CFAP299: variants seen among roughly 807,000 people sequenced by gnomAD.
CFAP299 encodes cilia- and flagella-associated protein 299.
Under a neutral mutation model 27.0 loss-of-function variants are expected in CFAP299, and 21 were observed. The ratio of observed to expected loss-of-function variants is 0.78; its 90% CI spans 0.55 to 1.12. The LOEUF (loss-of-function observed/expected upper bound fraction) is 1.12. CFAP299 is among the 50% of genes most tolerant of loss of function. The pLI is 0.00. For synonymous variants in CFAP299, 104 were observed against 98.1 expected (o/e 1.06, Z -0.36); for missense variants, 310 against 276.6 (o/e 1.12, Z -0.86).
chr4:80,416,893 G>T (rs1210521927), intron 2 of CFAP299, among the ~76,000 whole-genome samples: 5 of 152,164 alleles, frequency 3.3e-5, no homozygotes, highest in Non-Finnish European at 7.4e-5. Flanking sequence ...CCAAGAAGGG[G>T]TTCTTGGATC....
chr4:80,702,728 A>T (rs1578038573), intron 3 of CFAP299, among the ~76,000 whole-genome samples: 1 of 151,994 alleles, frequency 6.6e-6, no homozygotes, highest in East Asian at 1.9e-4. Context: ...GGTTCTCAAT[A>T]AAGTTAGCTT....
At chr4:80,716,283 A>C (rs1417818665) in intron 3 of CFAP299, among the ~76,000 whole-genome samples, 1 of 151,880 alleles carries the variant, frequency 6.6e-6, no homozygotes, top group Non-Finnish European at 1.5e-5. Context: ...GGCACGTAGT[A>C]TTTTCACTTT....
At chr4:80,648,271 C>T (rs1027900982) in intron 3 of CFAP299, among the ~76,000 whole-genome samples, 15 of 152,218 alleles carry the variant, frequency 9.9e-5, no homozygotes, top group African/African-American at 2.9e-4. Context: ...TTATAAATGA[C>T]ACATTGGAGG....
chr4:80,614,736 A>G (rs999714481), intron 3 of CFAP299, among the ~76,000 whole-genome samples: 3 of 152,226 alleles, frequency 2.0e-5, no homozygotes, highest in African/African-American at 4.8e-5. Flanking sequence ...ATGTGGTTAC[A>G]AGTCTTGAAT....
chr4:80,630,196 A>T (rs1007331793), intron 3 of CFAP299, among the ~76,000 whole-genome samples: 1 of 152,196 alleles, frequency 6.6e-6, no homozygotes, highest in Non-Finnish European at 1.5e-5. Context: ...GGAAGTAATG[A>T]TACAAAAGCA....
At chr4:80,369,817 T>C (rs1724042905) in intron 2 of CFAP299, among the ~76,000 whole-genome samples, 1 of 152,196 alleles carries the variant, frequency 6.6e-6, no homozygotes, top group Non-Finnish European at 1.5e-5. Context: ...GAGCTGGAGA[T>C]TCAGTGGTGC....
At chr4:80,826,310 A>G (rs551329523) in intron 3 of CFAP299, among the ~76,000 whole-genome samples, 1 of 151,886 alleles carries the variant, frequency 6.6e-6, no homozygotes, top group South Asian at 2.1e-4. Context: ...ATGAGGGACA[A>G]AAAATCTTAA....
intron 2 of CFAP299, among the ~76,000 whole-genome samples, chr4:80,455,034 C>T (rs372604032): frequency 1.3e-5 from 2 of 152,046 alleles, no homozygotes; most frequent in Admixed American, 1.3e-4. Flanking sequence ...TGAAAAATAT[C>T]GTAAGCACCA....
intron 2 of CFAP299, among the ~76,000 whole-genome samples, chr4:80,525,897 C>T (rs1733151651): frequency 6.6e-6 from 1 of 152,118 alleles, no homozygotes; most frequent in African/African-American, 2.4e-5. Context: ...CCTGTATGAA[C>T]AAAGGGACAT....
intron 2 of CFAP299, among the ~76,000 whole-genome samples, chr4:80,543,983 T>C (rs1435344010): frequency 6.6e-6 from 1 of 152,144 alleles, no homozygotes; most frequent in African/African-American, 2.4e-5. Context: ...GGGAACCCCA[T>C]CAGGCTAACT....
intron 4 of CFAP299, among the ~76,000 whole-genome samples, chr4:80,913,070 C>A (rs1320011845): frequency 1.3e-5 from 2 of 152,138 alleles, no homozygotes; most frequent in African/African-American, 4.8e-5. Context: ...ATAAAGGCAC[C>A]TCCAAAACAT....
chr4:80,692,971 G>T (rs2110018501), intron 3 of CFAP299, among the ~76,000 whole-genome samples: 1 of 152,352 alleles, frequency 6.6e-6, no homozygotes, highest in South Asian at 2.1e-4. Context: ...GGCCATCAGA[G>T]AAATGCAAAT....
intron 2 of CFAP299, among the ~76,000 whole-genome samples, chr4:80,575,338 T>G (rs983021319): frequency 6.6e-6 from 1 of 151,938 alleles, no homozygotes; most frequent in African/African-American, 2.4e-5. Context: ...AAATTTTTTT[T>G]TTTTTGAGAA....
chr4:80,451,668 T>G (rs1340496689), intron 2 of CFAP299, among the ~76,000 whole-genome samples: 1 of 152,246 alleles, frequency 6.6e-6, no homozygotes, highest in Non-Finnish European at 1.5e-5. Flanking sequence ...CATAATAGAT[T>G]CATTTCCTTT....
chr4:80,579,300 C>A (rs2109866319), intron 2 of CFAP299, among the ~76,000 whole-genome samples: 1 of 152,336 alleles, frequency 6.6e-6, no homozygotes, highest in South Asian at 2.1e-4. Context: ...AGGCGCAAAT[C>A]ATTTTCACTT....
At chr4:80,440,580 TA>T (rs903250653) in intron 2 of CFAP299, among the ~76,000 whole-genome samples, 4 of 151,856 alleles carry the variant, frequency 2.6e-5, no homozygotes, top group Non-Finnish European at 5.9e-5. Flanking sequence ...ACAGAAGATT[TA>T]AAAAAAACAA....
intron 2 of CFAP299, among the ~76,000 whole-genome samples, chr4:80,445,760 T>A (rs944069526): frequency 3.9e-5 from 6 of 152,226 alleles, no homozygotes; most frequent in African/African-American, 1.4e-4. Flanking sequence ...AGCAAATATG[T>A]ACTTCTGTGC....
intron 3 of CFAP299, among the ~76,000 whole-genome samples, chr4:80,866,857 C>T (rs1732776744): frequency 6.6e-6 from 1 of 152,072 alleles, no homozygotes; most frequent in South Asian, 2.1e-4. Flanking sequence ...TATATAGTAA[C>T]ATAAAATAGT....
upstream of CFAP299, among the ~76,000 whole-genome samples, chr4:80,331,091 C>T (rs1721924440): frequency 6.6e-6 from 1 of 152,108 alleles, no homozygotes. Context: ...ATACCGAGAT[C>T]TATAATAGGG....
Sources: gnomAD v4.1 joint callset for allele counts (sites outside exome capture counted in the v4.1 genomes callset) on GRCh38, gnomAD v4.1.1 for gene constraint, MANE v1.5 for transcripts, NCBI Gene and HGNC (gene_info 2026-07-23, HGNC 2026-07-21) for gene names.